Variants in MEIS1 observed in about 807,000 individuals in gnomAD.
The protein encoded by MEIS1 is Meis homeobox 1.
MEIS1 carries 5 observed loss-of-function variants against 50.8 expected under a neutral mutation model. The observed-to-expected ratio is 0.10, with a 90% CI of 0.05 to 0.21. MEIS1 has a LOEUF of 0.21. Among genes scored for constraint, MEIS1 ranks in the 10% least tolerant of loss-of-function variants. MEIS1 has a pLI of 1.00. For synonymous variants in MEIS1, 176 were observed against 179.3 expected (o/e 0.98, Z 0.15); for missense variants, 318 against 517.3 (o/e 0.61, Z 3.74).
chr2:66,505,195 C>T (rs1406930768), intron 7 of MEIS1, among the ~76,000 whole-genome samples: 2 of 152,082 alleles, frequency 1.3e-5, no homozygotes, highest in African/African-American at 4.8e-5. Flanking sequence ...CAGGAGGTTG[C>T]TTGAGGCCAG....
intron 6 of MEIS1, among the ~76,000 whole-genome samples, chr2:66,452,286 C>T (rs981298828): frequency 6.6e-6 from 1 of 151,830 alleles, no homozygotes; most frequent in Non-Finnish European, 1.5e-5. Context: ...GAGTAACCAC[C>T]CTGCCCTTCA....
At chr2:66,447,597 T>C (rs1558522460) in intron 6 of MEIS1, among the ~76,000 whole-genome samples, 1 of 152,228 alleles carries the variant, frequency 6.6e-6, no homozygotes, top group South Asian at 2.1e-4. Flanking sequence ...GTTTACTGGG[T>C]ATATTTTTAT....
chr2:66,557,665 C>CT (rs929386462), intron 9 of MEIS1, among the ~76,000 whole-genome samples: 28 of 152,138 alleles, frequency 1.8e-4, no homozygotes, highest in South Asian at 2.1e-4. Flanking sequence ...TATAAGGTAT[C>CT]TTTTTTTTAC....
At chr2:66,530,741 G>A (rs1179548706) in intron 8 of MEIS1, among the ~76,000 whole-genome samples, 2 of 152,100 alleles carry the variant, frequency 1.3e-5, no homozygotes. Context: ...GTACCATGGG[G>A]AACATTCATT....
rs557137489 is a variant in MEIS1 at position 66,544,210 on chromosome 2, A to G, written c.889-3733A>G. Among the ~76,000 whole-genome samples, 3 of 151,920 alleles carry G rather than the reference A, an allele frequency of 2.0e-5. No individual in the cohort carries two copies. In the South Asian group the frequency reaches 6.3e-4, roughly 32 times the overall value. On this transcript the variant is annotated intron_variant, in intron 8 of 12. Coordinates refer to ENST00000272369, the MANE Select transcript of MEIS1 (RefSeq NM_002398.3). Reference sequence around the variant, plus strand: ...TGGGCAGAAGGCAACAGGGCTTTCAATGTTTTTTTTTCAGCAGCCATGCCT... The same window carrying G: ...TGGGCAGAAGGCAACAGGGCTTTCAGTGTTTTTTTTTCAGCAGCCATGCCT...
intron 9 of MEIS1, among the ~76,000 whole-genome samples, chr2:66,551,154 G>A (rs1027498592): frequency 6.6e-6 from 1 of 152,198 alleles, no homozygotes; most frequent in African/African-American, 2.4e-5. Flanking sequence ...TTGTTAGAGT[G>A]TCATAGAAAT....
chr2:66,473,246 T>G (rs1190158827), intron 7 of MEIS1, among the ~76,000 whole-genome samples: 1 of 151,024 alleles, frequency 6.6e-6, no homozygotes. Context: ...GGTATAGTGG[T>G]GCGTGCCTGT....
intron 9 of MEIS1, among the ~76,000 whole-genome samples, chr2:66,564,177 G>A (rs1317845587): frequency 6.6e-6 from 1 of 152,110 alleles, no homozygotes. Flanking sequence ...CAGAAAAGGT[G>A]ATTAGTTTTT....
In MEIS1 at chr2:66,569,143, G is replaced by T; in HGVS notation, c.*35G>T. 6.2e-7 allele frequency: 1 copy of T among 1,609,692 alleles called. No homozygotes were observed. The highest frequency in any genetic ancestry group is 8.5e-7 in the Non-Finnish European group (1 of 1,178,242). ...AGTTAACCAATCGCAAAGCAAGGGG[G>T]AAGTAAGTACAAATGGGGTCTTTGT... is the stretch of plus-strand genomic sequence containing the variant. On this transcript the variant is annotated splice_region_variant and 3_prime_UTR_variant, in exon 12 of 13. Transcript: ENST00000272369.
chr2:66,572,370 T>G lies in MEIS1; in HGVS notation c.*1162T>G. The G allele has an allele frequency of 6.6e-6, 1 of 152,198 alleles. No homozygotes were observed. Among genetic ancestry groups the G allele is most frequent in the African/African-American group, 2.4e-5 (1 of 41,444 alleles). The allele number at this position is 152,198 out of a possible 1,614,324, so 9.4% of individuals were successfully genotyped here. On this transcript the variant is annotated 3_prime_UTR_variant, in exon 13 of 13. Coordinates refer to ENST00000272369, the MANE Select transcript of MEIS1 (RefSeq NM_002398.3). The stretch of plus-strand genomic sequence containing the variant: ...ACTTTATTTCTGAGCAAAGCATCGG[T>G]CATGTGTGTATTTTTTCATAGTCCC...
intron 7 of MEIS1, among the ~76,000 whole-genome samples, chr2:66,480,999 T>TA (rs957444246): frequency 2.7e-3 from 389 of 144,470 alleles, no homozygotes; most frequent in African/African-American, 5.3e-3. Flanking sequence ...GAATCTCTGT[T>TA]AAAAAAAAAA....
At position 66,503,477 on chromosome 2, in the gene MEIS1, C is replaced by T. The variant is rs556994640; in HGVS notation, c.743-8672C>T. Among the ~76,000 whole-genome samples, 11 of 152,336 alleles carry T rather than the reference C, an allele frequency of 7.2e-5. No individual in the cohort carries two copies. In the South Asian group the frequency reaches 2.1e-3, roughly 29 times the overall value. ...ATCACTCCAGCCTAAGTGAAGTCTT[C>T]TTGTTTCACACACTCATAGATGTGT... On this transcript the variant is annotated intron_variant, in intron 7 of 12. Coordinates refer to ENST00000272369, the MANE Select transcript of MEIS1 (RefSeq NM_002398.3).
chr2:66,437,336 G>T (rs980066450), intron 1 of MEIS1: 1 of 165,028 alleles, frequency 6.1e-6, no homozygotes, highest in Non-Finnish European at 1.3e-5. Context: ...AAACTAGGCG[G>T]GTTTGCTGCA....
At chr2:66,558,418 A>AT (rs1675129846) in intron 9 of MEIS1, among the ~76,000 whole-genome samples, 1 of 152,128 alleles carries the variant, frequency 6.6e-6, no homozygotes, top group Admixed American at 6.5e-5. Flanking sequence ...ATTTTCAAAG[A>AT]TTTGACAGAT....
At chr2:66,467,708 C>T (rs1028291788) in intron 7 of MEIS1, among the ~76,000 whole-genome samples, 1 of 151,998 alleles carries the variant, frequency 6.6e-6, no homozygotes, top group Admixed American at 6.6e-5. Flanking sequence ...TGTTTATTCG[C>T]GATTTACACA....
At chr2:66,501,516 C>T (rs1227437301) in intron 7 of MEIS1, among the ~76,000 whole-genome samples, 2 of 148,712 alleles carry the variant, frequency 1.3e-5, no homozygotes, top group Admixed American at 1.3e-4. Flanking sequence ...CTTTCCTATT[C>T]ATCATTGCTG....
intron 7 of MEIS1, among the ~76,000 whole-genome samples, chr2:66,497,685 A>C (rs1189883569): frequency 6.6e-6 from 1 of 152,214 alleles, no homozygotes; most frequent in African/African-American, 2.4e-5. Context: ...GCTTAAGCTT[A>C]GGACTTCGAG....
rs1434738144 is a variant in MEIS1, at chr2:66,437,891, C to A, written c.167C>A (p.Thr56Asn). Residue 56 changes from threonine (T) to asparagine (N), a missense_variant, in exon 2 of 13, where the codon ACC becomes AAC. This residue lies in a region of MEIS1 where 100 missense variants were observed against 107.1 expected (regional missense o/e 0.93). Transcript: ENST00000272369. ...HSHQYPHTAHTNAMAPSMGSS... is the reference protein window; with the variant it reads ...HSHQYPHTAHNNAMAPSMGSS... ...CATCAGTACCCGCACACAGCTCATA[C>A]CAACGCCATGGCCCCCAGCATGGGC... 4 of 1,610,612 alleles carry A rather than the reference C, an allele frequency of 2.5e-6. No homozygotes were observed. The highest frequency in any genetic ancestry group is 3.4e-6 in the Non-Finnish European group (4 of 1,178,352).
At chr2:66,528,057 C>G (rs150627661) in intron 8 of MEIS1, among the ~76,000 whole-genome samples, 73 of 152,228 alleles carry the variant, frequency 4.8e-4, no homozygotes, top group African/African-American at 1.6e-3. Flanking sequence ...GGTAAGAAGG[C>G]TGTGCTGTGG....
Sources: gnomAD v4.1 joint callset for allele counts (sites outside exome capture counted in the v4.1 genomes callset) on GRCh38, gnomAD v4.1.1 for gene constraint, gnomAD v4.1.1 regional missense constraint, MANE v1.5 for transcripts, NCBI Gene and HGNC (gene_info 2026-07-23, HGNC 2026-07-21) for gene names.